Variants in FAM171B observed in about 807,000 individuals in gnomAD.
The protein encoded by FAM171B is family with sequence similarity 171 member B.
A neutral mutation model predicts 75.6 loss-of-function variants in FAM171B; 19 were observed. That is an observed-to-expected ratio of 0.25 (90% CI 0.18 to 0.37). The LOEUF (loss-of-function observed/expected upper bound fraction) is 0.37. Among genes scored for constraint, FAM171B ranks in the 10% least tolerant of loss-of-function variants. The probability of loss-of-function intolerance (pLI) is 1.00; values close to 1 mark genes in which losing one functional copy is unlikely to be tolerated. For synonymous variants in FAM171B, 367 were observed against 361.7 expected (o/e 1.01, Z -0.17); for missense variants, 848 against 982.4 (o/e 0.86, Z 1.83).
At chr2:186,720,722 G>C (rs62173042) in intron 1 of FAM171B, among the ~76,000 whole-genome samples, 46,018 of 128,652 alleles carry the variant, frequency 0.36, 8,525 homozygotes, top group East Asian at 0.78. Flanking sequence ...AAAAAGAAAA[G>C]AAAACAAAAC....
chr2:186,743,530 A>G lies in FAM171B; in HGVS notation c.520A>G (p.Ile174Val). ...ACTGTTCCCGCAAAGCCAAGCAAAT[A>G]TATGGCTATTTGAAGACACTGTTTT... ...LSLFPQSQANIWLFEDTVLIT... is the reference protein window; with the variant it reads ...LSLFPQSQANVWLFEDTVLIT... The change falls in exon 3 of 8, where the codon ATA becomes GTA. Residue 174 changes from isoleucine to valine, a missense_variant. Physicochemically the swap from Ile to Val is conservative, Grantham distance 29. This residue lies in a region of FAM171B where 665 missense variants were observed against 729.0 expected (regional missense o/e 0.91). Transcript: ENST00000304698. 1 of 1,613,390 alleles carries G rather than the reference A, an allele frequency of 6.2e-7. No homozygotes were observed. Among genetic ancestry groups the G allele is most frequent in the Middle Eastern group, 1.7e-4 (1 of 6,054 alleles).
At position 186,765,047 on chromosome 2, in the gene FAM171B, T is replaced by C. The variant is rs1293191981; in HGVS notation, c.*2224T>C. Reference sequence around the variant, plus strand: ...TTGCTTTCAGAATAAAACCTTATTATTTTTTACACTGCACATGCTGTTCTC... The same window carrying C: ...TTGCTTTCAGAATAAAACCTTATTACTTTTTACACTGCACATGCTGTTCTC... On this transcript the variant is annotated 3_prime_UTR_variant, in exon 8 of 8. Coordinates refer to ENST00000304698, the MANE Select transcript of FAM171B (RefSeq NM_177454.4). 6.6e-6 allele frequency: 1 copy of C among 151,966 alleles called. No individual in the cohort carries two copies. The allele number at this position is 151,966 out of a possible 1,614,324, so 9.4% of individuals were successfully genotyped here.
chr2:186,753,010 C>A (rs1284986107), intron 5 of FAM171B, among the ~76,000 whole-genome samples: 2 of 151,960 alleles, frequency 1.3e-5, no homozygotes, highest in African/African-American at 4.8e-5. Flanking sequence ...TAGACCGAGA[C>A]AATATTTAGT....
At chr2:186,698,928 T>C (rs1415662844) in intron 1 of FAM171B, among the ~76,000 whole-genome samples, 1 of 152,180 alleles carries the variant, frequency 6.6e-6, no homozygotes, top group East Asian at 1.9e-4. Flanking sequence ...TGTCCTCCTG[T>C]TCCATTCATG....
chr2:186,738,545 G>T (rs936151764), intron 1 of FAM171B, among the ~76,000 whole-genome samples: 1 of 152,022 alleles, frequency 6.6e-6, no homozygotes, highest in African/African-American at 2.4e-5. Flanking sequence ...CCAATCAAGA[G>T]ACAGAGGGTA....
At position 186,762,046 on chromosome 2, in the gene FAM171B, A is replaced by T. The variant is rs1382846649; in HGVS notation, c.1704A>T (p.Leu568Phe). The T allele has an allele frequency of 6.2e-7, 1 of 1,613,718 alleles. No individual in the cohort carries two copies. The highest frequency in any genetic ancestry group is 8.5e-7 in the Non-Finnish European group (1 of 1,179,800). The change falls in exon 8 of 8, where the codon TTA (leucine) becomes TTT (phenylalanine). Residue 568 changes from leucine (L) to phenylalanine (F), a missense_variant. Transcript: ENST00000304698. This position sits in a 1 kb window ranked among gnomAD's most constrained non-coding sequence, Gnocchi z 4.0. ...CTACTTTGCCAAGAAAGGGACAGTT[A>T]GTCTATGGCCAATTGATGGAACCAG... ...KSATLPRKGQ[L>F]VYGQLMEPVN...
intron 1 of FAM171B, among the ~76,000 whole-genome samples, chr2:186,715,824 G>T (rs1689867472): frequency 6.6e-6 from 1 of 152,082 alleles, no homozygotes; most frequent in Admixed American, 6.5e-5. Context: ...GATTGGGTTT[G>T]TATTTTTATA....
At chr2:186,738,584 C>T (rs181373897) in intron 1 of FAM171B, among the ~76,000 whole-genome samples, 5 of 152,122 alleles carry the variant, frequency 3.3e-5, no homozygotes, top group Admixed American at 6.5e-5. Flanking sequence ...TCACTCTGGT[C>T]GTGGACTCTG....
chr2:186,736,566 G>GTTT (rs1553511472), intron 1 of FAM171B, among the ~76,000 whole-genome samples: 1 of 128,110 alleles, frequency 7.8e-6, no homozygotes, highest in Middle Eastern at 3.5e-3. Context: ...GTGTGTGTGT[G>GTTT]GGAGAGAGAG....
intron 3 of FAM171B, among the ~76,000 whole-genome samples, chr2:186,745,727 C>A (rs573443451): frequency 2.0e-5 from 3 of 152,276 alleles, no homozygotes; most frequent in Admixed American, 2.0e-4. Context: ...TAGGAATGTA[C>A]AAAACCTTAC....
chr2:186,710,062 A>G (rs1312663928), intron 1 of FAM171B, among the ~76,000 whole-genome samples: 3 of 152,224 alleles, frequency 2.0e-5, no homozygotes, highest in Non-Finnish European at 4.4e-5. Flanking sequence ...AGCTATATGC[A>G]TTGATGTATT....
chr2:186,759,163 T>C (rs1690578781), intron 6 of FAM171B, among the ~76,000 whole-genome samples: 1 of 152,180 alleles, frequency 6.6e-6, no homozygotes, highest in African/African-American at 2.4e-5. Context: ...TACTCCATTA[T>C]GTACATATAT....
At chr2:186,742,807 T>G (rs899746807) in intron 2 of FAM171B, among the ~76,000 whole-genome samples, 5 of 152,220 alleles carry the variant, frequency 3.3e-5, no homozygotes, top group African/African-American at 1.2e-4. Context: ...TAAAATGGTC[T>G]TTTGTCCCAG....
At position 186,765,089 on chromosome 2, in the gene FAM171B, C is replaced by T. The variant is rs1359154825; in HGVS notation, c.*2266C>T. 1.3e-5 allele frequency: 2 copies of T among 151,836 alleles called. No individual in the cohort carries two copies. The highest frequency in any genetic ancestry group is 4.8e-5 in the African/African-American group (2 of 41,388). 9.4% of individuals were successfully genotyped at this position (151,836 alleles called of 1,614,324 possible). On this transcript the variant is annotated 3_prime_UTR_variant, in exon 8 of 8. Coordinates refer to ENST00000304698, the MANE Select transcript of FAM171B (RefSeq NM_177454.4). The stretch of plus-strand genomic sequence containing the variant: ...GCTGTTCTCAATTGGTAATTATAGG[C>T]AATTTATCTTTTCTAATGATCAAAA...
In FAM171B at chr2:186,761,249, C is replaced by T. The variant is rs1199278152; in HGVS notation, c.1136+13C>T. On this transcript the variant is annotated intron_variant, in intron 7 of 7. Coordinates refer to ENST00000304698, the MANE Select transcript of FAM171B (RefSeq NM_177454.4). ...TTTGTTATTGCAGGTAAGAAAATGGCTATAAACACAGAAAACTATCAAGTT... is the reference window on the plus strand; with the variant it reads ...TTTGTTATTGCAGGTAAGAAAATGGTTATAAACACAGAAAACTATCAAGTT... 1 of 1,610,382 alleles carries T rather than the reference C, an allele frequency of 6.2e-7. No individual in the cohort carries two copies. Among genetic ancestry groups the T allele is most frequent in the East Asian group, 2.2e-5 (1 of 44,760 alleles).
rs570144201 is a variant in FAM171B at position 186,725,205 on chromosome 2, G to T, written c.239-15023G>T. Among the ~76,000 whole-genome samples, 3 of 152,082 alleles carry T rather than the reference G, an allele frequency of 2.0e-5. No homozygotes were observed. In the East Asian group the frequency reaches 5.8e-4, roughly 30 times the overall value. On this transcript the variant is annotated intron_variant, in intron 1 of 7. Coordinates refer to ENST00000304698, the MANE Select transcript of FAM171B (RefSeq NM_177454.4). ...TAAAAATACAAAAAATTAGCCGGGCGTGGTGGCAGGCACCTGTAGTCCCAG... is the reference window on the plus strand; with the variant it reads ...TAAAAATACAAAAAATTAGCCGGGCTTGGTGGCAGGCACCTGTAGTCCCAG...
chr2:186,747,864 C>T (rs1314341371), intron 4 of FAM171B, among the ~76,000 whole-genome samples: 2 of 152,094 alleles, frequency 1.3e-5, no homozygotes, highest in African/African-American at 4.8e-5. Context: ...TTTAAAAATA[C>T]ATTCATAAAT....
chr2:186,755,257 A>G (rs1351630112), intron 6 of FAM171B, among the ~76,000 whole-genome samples: 1 of 152,032 alleles, frequency 6.6e-6, no homozygotes, highest in African/African-American at 2.4e-5. Context: ...CATAAAATCA[A>G]ATTGCTTCTT....
At chr2:186,759,431 A>G (rs1030188624) in intron 6 of FAM171B, among the ~76,000 whole-genome samples, 1 of 152,118 alleles carries the variant, frequency 6.6e-6, no homozygotes, top group Non-Finnish European at 1.5e-5. Context: ...TGTTCTCCAT[A>G]GTGACTATGT....
Sources: allele counts gnomAD v4.1 joint callset (sites outside exome capture counted in the v4.1 genomes callset), GRCh38; gene constraint gnomAD v4.1.1; regional missense constraint gnomAD v4.1.1; non-coding constraint Gnocchi (gnomAD v3.1); transcripts MANE v1.5; gene names NCBI Gene and HGNC (gene_info 2026-07-23, HGNC 2026-07-21).